COL6A3: variants seen among roughly 807,000 people sequenced by gnomAD.
COL6A3 encodes the protein collagen alpha-3(VI) chain.
COL6A3 carries 137 observed loss-of-function variants against 274.1 expected under a neutral mutation model. The ratio of observed to expected loss-of-function variants is 0.50; its 90% confidence interval spans 0.44 to 0.58. COL6A3 has a LOEUF of 0.58. Among genes scored for constraint, COL6A3 ranks in the 20% least tolerant of loss-of-function variants. COL6A3 has a pLI of 0.00. For missense variants in COL6A3, 3,950 were observed against 4,124.9 expected, an observed-to-expected ratio of 0.96 and a Z score of 1.16; for synonymous variants, 1,650 against 1,650.6, an observed-to-expected ratio of 1.00 and a Z score of 0.01.
intron 37 of COL6A3, 63 bp from the exon 38 acceptor site, chr2:237,341,213 A>T: frequency 9.5e-6 from 14 of 1,467,308 alleles, no homozygotes; most frequent in Non-Finnish European, 1.3e-5. Flanking sequence ...ACAGCTCATC[A>T]ATCTGCTGGG....
intron 14 of COL6A3, among the ~76,000 whole-genome samples, chr2:237,362,510 G>A (rs1474784608): frequency 2.6e-5 from 4 of 152,216 alleles, no homozygotes; most frequent in Non-Finnish European, 5.9e-5. Context: ...GCTTCCAAGA[G>A]CTTTCCCTTT....
intron 36 of COL6A3, 122 bp from the exon 37 acceptor site, chr2:237,342,283 A>G (rs1369227674): frequency 5.2e-6 from 4 of 771,632 alleles, no homozygotes; most frequent in South Asian, 3.0e-5. Flanking sequence ...ATAGGGCAGT[A>G]TTGGGAATAT....
At chr2:237,363,681 C>T (rs1448576981) in intron 13 of COL6A3, among the ~76,000 whole-genome samples, 2 of 152,158 alleles carry the variant, frequency 1.3e-5, no homozygotes, top group Non-Finnish European at 2.9e-5. Context: ...AACTCAGGCC[C>T]TCTGTAACAC....
In COL6A3 at chr2:237,344,309, A is replaced by G; in HGVS notation, c.7668+41T>C. On this transcript the variant is annotated intron_variant, in intron 36 of 43. Transcript: ENST00000295550. This position sits in a 1 kb window ranked among gnomAD's most constrained non-coding sequence, Gnocchi z 4.8. ...TGTCTGAGAACCTTCTCAGAGCCCC[A>G]GAAGAAAGGGAGATGCCAACAGCAC... is the stretch of plus-strand genomic sequence containing the variant. 3.7e-6 allele frequency: 6 copies of G among 1,613,972 alleles called. No homozygotes were observed. The highest frequency in any genetic ancestry group is 5.1e-6 in the Non-Finnish European group (6 of 1,180,002).
At chr2:237,359,628 C>T (rs1374186998) in intron 17 of COL6A3, among the ~76,000 whole-genome samples, 1 of 152,208 alleles carries the variant, frequency 6.6e-6, no homozygotes, top group Non-Finnish European at 1.5e-5. Context: ...GGGGGTGGAC[C>T]CCAAAACCCA....
At chr2:237,400,239 A>C (rs558310133) in intron 1 of COL6A3, among the ~76,000 whole-genome samples, 300 of 152,330 alleles carry the variant, frequency 2.0e-3, no homozygotes, top group Non-Finnish European at 2.2e-3. Context: ...AAAATCAAAA[A>C]CATCTTTCTG....
intron 40 of COL6A3, 40 bp downstream of exon 40, chr2:237,336,095 G>A: frequency 6.2e-7 from 1 of 1,611,456 alleles, no homozygotes; most frequent in African/African-American, 1.3e-5. Context: ...CAGGAAATGA[G>A]GATGTCACAA....
At chr2:237,373,251 C>T (rs1253200016) in intron 8 of COL6A3, among the ~76,000 whole-genome samples, 1 of 152,188 alleles carries the variant, frequency 6.6e-6, no homozygotes, top group Non-Finnish European at 1.5e-5. Flanking sequence ...TCCCAAAGTC[C>T]ATCCTCGGCA....
At chr2:237,354,341 T>C in intron 24 of COL6A3, among the ~76,000 whole-genome samples, 1 of 151,164 alleles carries the variant, frequency 6.6e-6, no homozygotes, top group Non-Finnish European at 1.5e-5. Flanking sequence ...TTAAGCTGAA[T>C]ACCTCCCTCA....
chr2:237,337,831 G>T (rs1421618655), intron 39 of COL6A3, among the ~76,000 whole-genome samples: 2 of 152,076 alleles, frequency 1.3e-5, no homozygotes, highest in African/African-American at 4.8e-5. Context: ...CGGCACATGG[G>T]CCAGGCAGCA....
At chr2:237,390,668 G>A (rs753887485) in intron 3 of COL6A3, among the ~76,000 whole-genome samples, 12 of 152,172 alleles carry the variant, frequency 7.9e-5, no homozygotes, top group African/African-American at 1.4e-4. Context: ...CTCTTTTCCC[G>A]AGCTCACTGG....
intron 11 of COL6A3, 70 bp downstream of exon 11, chr2:237,366,617 G>A (rs2077558897): frequency 6.2e-7 from 1 of 1,611,956 alleles, no homozygotes; most frequent in Admixed American, 1.7e-5. Context: ...TCAGCACCAG[G>A]GACCAGACAG....
At chr2:237,348,229 G>T in intron 30 of COL6A3, 120 bp downstream of exon 30, 2 of 868,560 alleles carry the variant, frequency 2.3e-6, no homozygotes, top group Non-Finnish European at 4.0e-6. Context: ...TCTCAGGGTA[G>T]CCCAGTTAAC....
chr2:237,353,280 T>C (rs111602750), intron 25 of COL6A3, 61 bp downstream of exon 25: 1 of 1,530,536 alleles, frequency 6.5e-7, no homozygotes, highest in South Asian at 1.1e-5. Context: ...TGCCACCCAA[T>C]CATTTTTTAA....
intron 6 of COL6A3, among the ~76,000 whole-genome samples, chr2:237,378,302 T>C (rs1381835228): frequency 6.6e-6 from 1 of 152,210 alleles, no homozygotes; most frequent in Non-Finnish European, 1.5e-5. Context: ...GAAAAATCTC[T>C]CTCTGTCTCC....
rs1559190144 is a variant in COL6A3 at position 237,333,552 on chromosome 2, T to C, written c.9230-4A>G. ...GGAGGTGGGGGCTGAGATTTCTCTA[T>C]AAAAGAAAAATATATGCAACTCGTA... On this transcript the variant is annotated splice_region_variant and splice_polypyrimidine_tract_variant and intron_variant, in intron 41 of 43. Coordinates refer to ENST00000295550, the MANE Select transcript of COL6A3 (RefSeq NM_004369.4). 6.2e-7 allele frequency: 1 copy of C among 1,613,160 alleles called. No individual in the cohort carries two copies.
chr2:237,344,740 C>A lies in COL6A3; in HGVS notation c.7278G>T (p.Leu2426Phe). 2 of 1,602,324 alleles carry A rather than the reference C, an allele frequency of 1.2e-6. No individual in the cohort carries two copies. The highest frequency in any genetic ancestry group is 1.7e-6 in the Non-Finnish European group (2 of 1,174,376). ...DTFGRMRDVVLSIVNDLTIAE... is the reference protein window; with the variant it reads ...DTFGRMRDVVFSIVNDLTIAE... Reference sequence around the variant, plus strand: ...CAATGGTCAGGTCATTCACAATACTCAAGACCACATCTCGCATCCGGCCGA... The same window carrying A: ...CAATGGTCAGGTCATTCACAATACTAAAGACCACATCTCGCATCCGGCCGA... Residue 2426 changes from leucine to phenylalanine, a missense_variant, in exon 36 of 44, where the codon TTG becomes TTT. Coordinates refer to ENST00000295550, the MANE Select transcript of COL6A3 (RefSeq NM_004369.4). This position sits in a 1 kb window ranked among gnomAD's most constrained non-coding sequence, Gnocchi z 4.8.
At chr2:237,355,052 A>ATCGTG in intron 23 of COL6A3, 118 bp from the exon 24 acceptor site, 1 of 950,770 alleles carries the variant, frequency 1.1e-6, no homozygotes, top group Non-Finnish European at 1.6e-6. Context: ...AATCTTCCCA[A>ATCGTG]GCACCCACAT....
At chr2:237,383,991 T>C (rs1043801254) in intron 4 of COL6A3, among the ~76,000 whole-genome samples, 1 of 152,142 alleles carries the variant, frequency 6.6e-6, no homozygotes, top group East Asian at 1.9e-4. Context: ...GTCATTTACG[T>C]TTGATTTTTA....
Sources: gnomAD v4.1 joint callset for allele counts (sites outside exome capture counted in the v4.1 genomes callset) on GRCh38, gnomAD v4.1.1 for gene constraint, Gnocchi (gnomAD v3.1) non-coding constraint, MANE v1.5 for transcripts, NCBI Gene and HGNC (gene_info 2026-07-23, HGNC 2026-07-21) for gene names.